DNMT3A: variants seen among roughly 807,000 people sequenced by gnomAD.
DNMT3A encodes the protein DNA methyltransferase 3 alpha, also known as DNA (cytosine-5)-methyltransferase 3A.
In DNMT3A, 267 loss-of-function variants were observed where a neutral mutation model predicts 117.6. That is an observed-to-expected ratio of 2.27 (90% CI 2.05 to 2.51). DNMT3A has a LOEUF of 2.51. Among genes scored for constraint, DNMT3A ranks in the 30% most tolerant of loss-of-function variants. The pLI is 0.00. For synonymous variants in DNMT3A, 432 were observed against 474.8 expected (o/e 0.91, Z 1.17); for missense variants, 1,029 against 1,260.2 (o/e 0.82, Z 2.78).
At chr2:25,331,548 C>T (rs571065274) in intron 1 of DNMT3A, among the ~76,000 whole-genome samples, 4 of 152,306 alleles carry the variant, frequency 2.6e-5, no homozygotes, top group African/African-American at 7.2e-5. Flanking sequence ...TGATGCTCGC[C>T]GCAGGTCCTG....
At chr2:25,330,745 CT>C (rs1340525362) in intron 1 of DNMT3A, among the ~76,000 whole-genome samples, 15 of 152,240 alleles carry the variant, frequency 9.9e-5, no homozygotes, top group South Asian at 2.1e-4. Flanking sequence ...AACATCCCCC[CT>C]GTCCCCCATG....
rs1012941116 is a variant in DNMT3A, at chr2:25,286,386, G to A, written c.178-3675C>T. 6.6e-6 allele frequency among the ~76,000 whole-genome samples: 1 copy of A among 152,236 alleles called. No homozygotes were observed. The highest frequency in any genetic ancestry group is 2.4e-5 in the African/African-American group (1 of 41,462). On this transcript the variant is annotated intron_variant, in intron 3 of 22. Coordinates refer to ENST00000321117, the MANE Select transcript of DNMT3A (RefSeq NM_022552.5). The surrounding 1 kb of genome is among the most constrained non-coding windows in gnomAD (Gnocchi z 4.3). ...GCCGGGCATGCTGGGCAGATGATGGGCGAGCGGGGCATGTTGCACATTTCC... is the reference window on the plus strand; with the variant it reads ...GCCGGGCATGCTGGGCAGATGATGGACGAGCGGGGCATGTTGCACATTTCC...
At chr2:25,325,487 C>T (rs1367430119) in intron 1 of DNMT3A, among the ~76,000 whole-genome samples, 1 of 152,180 alleles carries the variant, frequency 6.6e-6, no homozygotes, top group African/African-American at 2.4e-5. Context: ...CAGCATGGTC[C>T]ACAGCTGCCA....
chr2:25,281,927 T>C lies in DNMT3A; in HGVS notation c.448+514A>G. ...CCAACTAGGGTGGGCTCAGGACCTC[T>C]GCACTCAGGGAGGCAAACAGGGTAT... On this transcript the variant is annotated intron_variant, in intron 4 of 22. Transcript: ENST00000321117. The surrounding 1 kb of genome is among the most constrained non-coding windows in gnomAD (Gnocchi z 4.8). 4 of 1,080,160 alleles carry C rather than the reference T, an allele frequency of 3.7e-6. No individual in the cohort carries two copies. Among genetic ancestry groups the C allele is most frequent in the Non-Finnish European group, 4.5e-6 (4 of 887,622 alleles). 66.9% of individuals were successfully genotyped at this position (1,080,160 alleles called of 1,614,324 possible). A position where few individuals can be genotyped will look rare whatever the true frequency, so the allele number is the denominator to read the frequency against.
rs1440582932 is a variant in DNMT3A at position 25,282,865 on chromosome 2, C to T, written c.178-154G>A. Among the ~76,000 whole-genome samples, 2 of 152,222 alleles carry T rather than the reference C, an allele frequency of 1.3e-5. No homozygotes were observed. Among genetic ancestry groups the T allele is most frequent in the Non-Finnish European group, 2.9e-5 (2 of 68,044 alleles). ...ACCTTCATGCAAACAGATACATTCA[C>T]AATTTTGCTTTCAACATCAAAGGAT... On this transcript the variant is annotated intron_variant, in intron 3 of 22. Coordinates refer to ENST00000321117, the MANE Select transcript of DNMT3A (RefSeq NM_022552.5). This position sits in a 1 kb window ranked among gnomAD's most constrained non-coding sequence, Gnocchi z 5.2.
At position 25,233,147 on chromosome 2, in the gene DNMT3A, A is replaced by G. The variant is rs1385219907; in HGVS notation, c.*1132T>C. ...TCTTGCCGAGGGAGTCTCCTTTTAG[A>G]AAACAATCAAAGGGTTATTGCATGA... On this transcript the variant is annotated 3_prime_UTR_variant, in exon 23 of 23. Coordinates refer to ENST00000321117, the MANE Select transcript of DNMT3A (RefSeq NM_022552.5). The G allele has an allele frequency of 8.6e-6, 2 of 233,686 alleles. No individual in the cohort carries two copies. Among genetic ancestry groups the G allele is most frequent in the African/African-American group, 4.4e-5 (2 of 45,318 alleles). 14.5% of individuals were successfully genotyped at this position (233,686 alleles called of 1,614,324 possible).
chr2:25,238,224 G>A (rs1673580453), intron 20 of DNMT3A, among the ~76,000 whole-genome samples: 1 of 152,180 alleles, frequency 6.6e-6, no homozygotes, highest in Non-Finnish European at 1.5e-5. Context: ...TCGGGGGACA[G>A]TTTCAGGCCA....
At chr2:25,280,429 A>G (rs934631867) in intron 4 of DNMT3A, among the ~76,000 whole-genome samples, 2 of 150,962 alleles carry the variant, frequency 1.3e-5, no homozygotes, top group African/African-American at 4.9e-5. Flanking sequence ...TGTGACATCT[A>G]TCAGTTCCCT....
Position 25,282,041 on chromosome 2 carries a change from A to G in DNMT3A, c.448+400T>C. 2.6e-6 allele frequency: 3 copies of G among 1,155,368 alleles called. No individual in the cohort carries two copies. The highest frequency in any genetic ancestry group is 3.2e-6 in the Non-Finnish European group (3 of 933,178). 71.6% of individuals were successfully genotyped at this position (1,155,368 alleles called of 1,614,324 possible). Reference sequence around the variant, plus strand: ...ACGTGGGAGAGTAAGCAGGCCAGGTAGAGCTGCAGAAAACTAAGGCCCACA... The same window carrying G: ...ACGTGGGAGAGTAAGCAGGCCAGGTGGAGCTGCAGAAAACTAAGGCCCACA... On this transcript the variant is annotated intron_variant, in intron 4 of 22. Transcript: ENST00000321117. The surrounding 1 kb of genome is among the most constrained non-coding windows in gnomAD (Gnocchi z 5.2).
At chr2:25,277,533 G>C (rs2031534158) in intron 4 of DNMT3A, among the ~76,000 whole-genome samples, 1 of 152,198 alleles carries the variant, frequency 6.6e-6, no homozygotes, top group Non-Finnish European at 1.5e-5. Context: ...CTAGGGCGGG[G>C]AGTGGAGGAC....
chr2:25,244,603 G>GACTGGTAGCCGTCGTCGTCGT lies in DNMT3A; in HGVS notation c.1583_1603dup (p.Tyr528_Gln534dup), dbSNP rs1674511927. 4 of 1,614,092 alleles carry GACTGGTAGCCGTCGTCGTCGT rather than the reference G, an allele frequency of 2.5e-6. No homozygotes were observed. The highest frequency in any genetic ancestry group is 1.3e-5 in the African/African-American group (1 of 74,934). On this transcript the variant is annotated inframe_insertion, in exon 14 of 23. Coordinates refer to ENST00000321117, the MANE Select transcript of DNMT3A (RefSeq NM_022552.5). ...GCCCCCACAGCAGATGGTGCAGTAGGACTGGTAGCCGTCGTCGTCGTACTG... is the reference window on the plus strand; with the variant it reads ...GCCCCCACAGCAGATGGTGCAGTAGGACTGGTAGCCGTCGTCGTCGTACTGGTAGCCGTCGTCGTCGTACTG...
chr2:25,231,198 C>T lies in DNMT3A; in HGVS notation c.*3081G>A, dbSNP rs1672873740. ...ACTGCCTGAGGCAGCCCCTCCTCCC[C>T]CAGCCCTCCTGGAGTGGCGCTGGTG... is the stretch of plus-strand genomic sequence containing the variant. On this transcript the variant is annotated 3_prime_UTR_variant, in exon 23 of 23. Coordinates refer to ENST00000321117, the MANE Select transcript of DNMT3A (RefSeq NM_022552.5). 1 of 152,360 alleles carries T rather than the reference C, an allele frequency of 6.6e-6. No individual in the cohort carries two copies. Among genetic ancestry groups the T allele is most frequent in the African/African-American group, 2.4e-5 (1 of 41,466 alleles). The allele number at this position is 152,360 out of a possible 1,614,324, so 9.4% of individuals were successfully genotyped here.
chr2:25,284,130 G>C (rs1354779737), intron 3 of DNMT3A, among the ~76,000 whole-genome samples: 1 of 152,148 alleles, frequency 6.6e-6, no homozygotes, highest in Non-Finnish European at 1.5e-5. Context: ...GCACCAGGCT[G>C]CACTCAGCAA....
chr2:25,340,255 C>G (rs1018996603), intron 1 of DNMT3A, among the ~76,000 whole-genome samples: 1 of 152,096 alleles, frequency 6.6e-6, no homozygotes, highest in African/African-American at 2.4e-5. Context: ...CCCTGGGAAC[C>G]AGAGGGCACT....
intron 6 of DNMT3A, among the ~76,000 whole-genome samples, chr2:25,248,857 GTTTTT>G (rs944810532): frequency 1.3e-5 from 2 of 148,942 alleles, no homozygotes; most frequent in Non-Finnish European, 3.0e-5. Context: ...CTACGTTAAT[GTTTTT>G]TTTTTAATTT....
intron 1 of DNMT3A, among the ~76,000 whole-genome samples, chr2:25,319,124 C>T (rs2034496900): frequency 6.6e-6 from 1 of 151,334 alleles, no homozygotes; most frequent in Admixed American, 6.6e-5. Context: ...ATGCCATTCT[C>T]CTGCCTCAGC....
At chr2:25,287,730 C>CT (rs2032417902) in intron 3 of DNMT3A, among the ~76,000 whole-genome samples, 1 of 52,610 alleles carries the variant, frequency 1.9e-5, no homozygotes, top group South Asian at 4.9e-4. Flanking sequence ...ACAGAGGACA[C>CT]CCCCGCCCCC....
Position 25,246,281 on chromosome 2 carries a change from G to T in DNMT3A, c.1308C>A (p.Tyr436Ter). ...EEEKNPYKEV[Y>*]TDMWVEPEAA... ...CCTCAGGTTCCACCCACATGTCCGTGTACACTTCTTTGTAGGGATTCTTCT... is the reference window on the plus strand; with the variant it reads ...CCTCAGGTTCCACCCACATGTCCGTTTACACTTCTTTGTAGGGATTCTTCT... The change falls in exon 11 of 23, where the codon TAC becomes TAA. Residue 436 changes from tyrosine to a stop codon, truncating the protein, a stop_gained. Coordinates refer to ENST00000321117, the MANE Select transcript of DNMT3A (RefSeq NM_022552.5). LOFTEE classifies it high-confidence loss of function. 6.2e-7 allele frequency: 1 copy of T among 1,612,790 alleles called. No individual in the cohort carries two copies. The highest frequency in any genetic ancestry group is 8.5e-7 in the Non-Finnish European group (1 of 1,179,422).
At position 25,240,381 on chromosome 2, in the gene DNMT3A, T is replaced by TCATCTCCCTCCTTGGGCCG; in HGVS notation, c.2224_2242dup (p.Asp748AlafsTer7). 1 of 1,614,070 alleles carries TCATCTCCCTCCTTGGGCCG rather than the reference T, an allele frequency of 6.2e-7. No individual in the cohort carries two copies. The highest frequency in any genetic ancestry group is 8.5e-7 in the Non-Finnish European group (1 of 1,179,980). Reference sequence around the variant, plus strand: ...CTCAAAGAGCCAGAAGAAGGGGCGATCATCTCCCTCCTTGGGCCGCGCATC... The same window carrying TCATCTCCCTCCTTGGGCCG: ...CTCAAAGAGCCAGAAGAAGGGGCGATCATCTCCCTCCTTGGGCCGCATCTCCCTCCTTGGGCCGCGCATC... On this transcript the variant is annotated stop_gained and frameshift_variant, in exon 19 of 23. Coordinates refer to ENST00000321117, the MANE Select transcript of DNMT3A (RefSeq NM_022552.5). LOFTEE classifies it high-confidence loss of function.
Sources: gnomAD v4.1 joint callset for allele counts (sites outside exome capture counted in the v4.1 genomes callset) on GRCh38, gnomAD v4.1.1 for gene constraint, Gnocchi (gnomAD v3.1) non-coding constraint, MANE v1.5 for transcripts, NCBI Gene and HGNC (gene_info 2026-07-23, HGNC 2026-07-21) for gene names.